HS3ST4: variants seen among roughly 807,000 people sequenced by gnomAD.
HS3ST4 encodes the protein heparan sulfate-glucosamine 3-sulfotransferase 4.
A neutral mutation model predicts 29.2 loss-of-function variants in HS3ST4; 17 were observed. That is an observed-to-expected ratio of 0.58 (90% CI 0.40 to 0.87). HS3ST4 has a LOEUF of 0.87. Among genes scored for constraint, HS3ST4 ranks in the 40% least tolerant of loss-of-function variants. The pLI is 0.00. For missense variants in HS3ST4, 627 were observed against 634.5 expected, an observed-to-expected ratio of 0.99 and a Z score of 0.13; for synonymous variants, 314 against 285.7, an observed-to-expected ratio of 1.10 and a Z score of -1.00.
At chr16:25,924,677 T>C (rs925418088) in intron 1 of HS3ST4, among the ~76,000 whole-genome samples, 4 of 152,230 alleles carry the variant, frequency 2.6e-5, no homozygotes, top group African/African-American at 9.6e-5. Flanking sequence ...GGCTTGCCTT[T>C]GCATGTGCAA....
chr16:26,013,205 C>CA (rs1969327521), intron 1 of HS3ST4, among the ~76,000 whole-genome samples: 1 of 151,570 alleles, frequency 6.6e-6, no homozygotes, highest in Non-Finnish European at 1.5e-5. Context: ...AAAAAAACAC[C>CA]AAAAAAACAA....
At chr16:26,024,432 T>C (rs1969446966) in intron 1 of HS3ST4, among the ~76,000 whole-genome samples, 1 of 151,954 alleles carries the variant, frequency 6.6e-6, no homozygotes, top group African/African-American at 2.4e-5. Context: ...CTTCATTTGC[T>C]TTTAAAACAA....
At chr16:25,908,293 T>C (rs180982953) in intron 1 of HS3ST4, among the ~76,000 whole-genome samples, 39 of 152,332 alleles carry the variant, frequency 2.6e-4, no homozygotes, top group African/African-American at 9.4e-4. Flanking sequence ...GCATCACCCA[T>C]GAATTGCTGA....
intron 1 of HS3ST4, among the ~76,000 whole-genome samples, chr16:25,963,292 T>A (rs1287530672): frequency 1.3e-5 from 2 of 152,156 alleles, no homozygotes; most frequent in Non-Finnish European, 2.9e-5. Flanking sequence ...CTCTAGTTCG[T>A]CATGTTCCTG....
In HS3ST4 at chr16:25,852,033, CAT is replaced by C. The variant is rs372604838; in HGVS notation, c.734+158886_734+158887del. Among the ~76,000 whole-genome samples, 301 of 152,136 alleles carry C rather than the reference CAT, an allele frequency of 2.0e-3. 2 individuals are homozygous for C. The highest frequency in any genetic ancestry group is 6.5e-3 in the African/African-American group (268 of 41,504). On this transcript the variant is annotated intron_variant, in intron 1 of 1. Transcript: ENST00000331351. ...CTGATTTTATAGATGAGAAAGGTGACATATAGAGGAAGTAAAGGACCCATCCA... is the reference window on the plus strand; with the variant it reads ...CTGATTTTATAGATGAGAAAGGTGACATAGAGGAAGTAAAGGACCCATCCA...
rs774064205 is a variant in HS3ST4, at chr16:25,693,071, C to T, written c.654C>T (p.Arg218=). Residue 218 remains arginine, a synonymous_variant, in exon 1 of 2, where the codon CGC becomes CGT. Transcript: ENST00000331351. ...CCCGCGCGCTGCTGGAGGCGATCCG[C>T]GTGCACCCGGACGTGCGGGCGGTGG... ...GGTRALLEAI[R]VHPDVRAVGV... is the part of the protein sequence containing the mutation. 5 of 1,608,270 alleles carry T rather than the reference C, an allele frequency of 3.1e-6. No homozygotes were observed. In the Admixed American group the frequency reaches 5.0e-5, roughly 16 times the overall value.
intron 1 of HS3ST4, among the ~76,000 whole-genome samples, chr16:25,893,990 C>A (rs532200981): frequency 1.3e-5 from 2 of 152,238 alleles, no homozygotes; most frequent in Admixed American, 1.3e-4. Flanking sequence ...TAAACCAGGG[C>A]GATTTCTACC....
chr16:25,851,491 A>T lies in HS3ST4; in HGVS notation c.734+158340A>T, dbSNP rs567213379. 5.5e-4 allele frequency among the ~76,000 whole-genome samples: 84 copies of T among 152,170 alleles called. 3 individuals carry two copies. The South Asian group carries it at 0.017, about 31-fold the overall frequency. ...TGCCATTGCCTGATTTTCTTCCTAA[A>T]TGATTTCCACTGCCATTACCTTTTT... On this transcript the variant is annotated intron_variant, in intron 1 of 1. Coordinates refer to ENST00000331351, the MANE Select transcript of HS3ST4 (RefSeq NM_006040.3).
chr16:26,006,506 A>G (rs1048019337), intron 1 of HS3ST4, among the ~76,000 whole-genome samples: 18 of 152,070 alleles, frequency 1.2e-4, no homozygotes, highest in African/African-American at 4.1e-4. Context: ...ACTCATGCAG[A>G]GCCAGCTGAA....
At chr16:26,022,772 C>T (rs377290292) in intron 1 of HS3ST4, among the ~76,000 whole-genome samples, 16 of 152,084 alleles carry the variant, frequency 1.1e-4, no homozygotes, top group African/African-American at 3.4e-4. Flanking sequence ...CTTGGCCTCC[C>T]GATGTGCTGA....
At chr16:25,756,632 G>A (rs987617147) in intron 1 of HS3ST4, among the ~76,000 whole-genome samples, 3 of 152,140 alleles carry the variant, frequency 2.0e-5, no homozygotes, top group Non-Finnish European at 4.4e-5. Flanking sequence ...AGAAGTAGAG[G>A]CATCTGTAGC....
chr16:25,822,859 T>C (rs1567247904), intron 1 of HS3ST4, among the ~76,000 whole-genome samples: 1 of 152,090 alleles, frequency 6.6e-6, no homozygotes, highest in Non-Finnish European at 1.5e-5. Flanking sequence ...TGCCTCAGCC[T>C]CCCAAGTAGC....
At chr16:25,911,523 T>C (rs1008658901) in intron 1 of HS3ST4, among the ~76,000 whole-genome samples, 5 of 97,794 alleles carry the variant, frequency 5.1e-5, no homozygotes, top group African/African-American at 6.8e-5. Context: ...TTTTTTTTTT[T>C]TGGGACATGA....
Position 26,136,591 on chromosome 16 carries a change from G to A in HS3ST4, c.*343G>A, listed in dbSNP as rs1898286971. On this transcript the variant is annotated 3_prime_UTR_variant, in exon 2 of 2. Coordinates refer to ENST00000331351, the MANE Select transcript of HS3ST4 (RefSeq NM_006040.3). ...CAGTGCTATTAATGTATATGTGAGC[G>A]ACAAAAAAGGTCTGCTTTATAGGGG... 5 of 270,796 alleles carry A rather than the reference G, an allele frequency of 1.8e-5. No homozygotes were observed. Among genetic ancestry groups the A allele is most frequent in the South Asian group, 1.2e-4 (2 of 17,262 alleles). 16.8% of individuals were successfully genotyped at this position (270,796 alleles called of 1,614,324 possible).
chr16:26,117,365 A>T (rs922465515), intron 1 of HS3ST4, among the ~76,000 whole-genome samples: 2 of 152,144 alleles, frequency 1.3e-5, no homozygotes, highest in Non-Finnish European at 2.9e-5. Context: ...GCTGAACCCT[A>T]CTCAACTCCC....
intron 1 of HS3ST4, among the ~76,000 whole-genome samples, chr16:25,710,321 G>A (rs954559385): frequency 2.0e-5 from 3 of 152,150 alleles, no homozygotes; most frequent in Non-Finnish European, 2.9e-5. Context: ...ATATCCTGGA[G>A]GATCTTGAAG....
At chr16:26,015,023 G>A (rs892762948) in intron 1 of HS3ST4, among the ~76,000 whole-genome samples, 15 of 152,196 alleles carry the variant, frequency 9.9e-5, no homozygotes, top group African/African-American at 3.1e-4. Context: ...GATTTTAAAG[G>A]CAGAATTAAT....
chr16:25,700,940 A>G (rs1250356933), intron 1 of HS3ST4, among the ~76,000 whole-genome samples: 1 of 152,202 alleles, frequency 6.6e-6, no homozygotes, highest in African/African-American at 2.4e-5. Flanking sequence ...GAATTAGACA[A>G]TATTTTTTTC....
At chr16:25,729,542 C>T (rs967747481) in intron 1 of HS3ST4, among the ~76,000 whole-genome samples, 6 of 152,194 alleles carry the variant, frequency 3.9e-5, no homozygotes, top group African/African-American at 1.2e-4. Context: ...AAGTTCCTTT[C>T]TGGGATTGCA....
Sources: allele counts gnomAD v4.1 joint callset (sites outside exome capture counted in the v4.1 genomes callset), GRCh38; gene constraint gnomAD v4.1.1; transcripts MANE v1.5; gene names NCBI Gene and HGNC (gene_info 2026-07-23, HGNC 2026-07-21).